BRD10: variants seen among roughly 807,000 people sequenced by gnomAD.
The protein encoded by BRD10 is bromodomain containing 10.
At chr9:5,997,836 C>G in the BRD10 span, among the ~76,000 whole-genome samples, 1 of 152,122 alleles carries the variant, frequency 6.6e-6, no homozygotes, top group Admixed American at 6.5e-5. Flanking sequence ...AGACAACATT[C>G]CTGTCTGCTC....
the BRD10 span, among the ~76,000 whole-genome samples, chr9:5,914,416 T>TTG: frequency 3.5e-4 from 38 of 107,084 alleles, no homozygotes; most frequent in Middle Eastern, 3.6e-3. Context: ...GATGGTTTTT[T>TTG]TTTTTTTTTT....
At chr9:5,914,774 G>A in the BRD10 span, among the ~76,000 whole-genome samples, 12 of 152,138 alleles carry the variant, frequency 7.9e-5, no homozygotes, top group Admixed American at 2.6e-4. Context: ...ATCATTCCAT[G>A]AGACTCCCAG....
the BRD10 span, among the ~76,000 whole-genome samples, chr9:5,936,019 C>T: frequency 6.6e-6 from 1 of 152,112 alleles, no homozygotes; most frequent in Non-Finnish European, 1.5e-5. Flanking sequence ...TTTTAAACTC[C>T]TAAGACCTGC....
At chr9:5,969,817 A>T in the BRD10 span, among the ~76,000 whole-genome samples, 32 of 152,306 alleles carry the variant, frequency 2.1e-4, no homozygotes, top group African/African-American at 7.7e-4. Flanking sequence ...AAGTGTTGAG[A>T]TTACAGGCAT....
chr9:5,894,897 A>T, the BRD10 span, among the ~76,000 whole-genome samples: 2 of 152,204 alleles, frequency 1.3e-5, no homozygotes, highest in Non-Finnish European at 2.9e-5. This position sits in a 1 kb window ranked among gnomAD's most constrained non-coding sequence, Gnocchi z 4.0. Flanking sequence ...GGCTTAATAA[A>T]GGGCAAAGGG....
chr9:5,946,394 A>C, the BRD10 span, among the ~76,000 whole-genome samples: 43 of 152,078 alleles, frequency 2.8e-4, no homozygotes, highest in Non-Finnish European at 7.4e-5. Flanking sequence ...GAAACTACAC[A>C]TTCCAATTTG....
chr9:5,917,537 TAGAAG>T, the BRD10 span, among the ~76,000 whole-genome samples: 2 of 152,162 alleles, frequency 1.3e-5, no homozygotes, highest in Non-Finnish European at 2.9e-5. Context: ...ATTTAGGAGT[TAGAAG>T]AGATTTAGTG....
the BRD10 span, among the ~76,000 whole-genome samples, chr9:5,906,179 T>A: frequency 6.9e-6 from 1 of 145,180 alleles, no homozygotes; most frequent in Middle Eastern, 3.3e-3. Flanking sequence ...AGCAAGATCA[T>A]GTCTCTTAAA....
At chr9:5,899,219 C>A in the BRD10 span, 1 of 152,278 alleles carries the variant, frequency 6.6e-6, no homozygotes, top group East Asian at 1.9e-4. Flanking sequence ...AAGTCCCATT[C>A]CTCATTCAGC....
the BRD10 span, chr9:5,953,932 T>C: frequency 2.6e-6 from 2 of 775,042 alleles, no homozygotes; most frequent in East Asian, 2.7e-5. Context: ...TACAGTTTCT[T>C]GGAATTCAGC....
the BRD10 span, among the ~76,000 whole-genome samples, chr9:5,900,121 T>C: frequency 6.6e-6 from 1 of 152,242 alleles, no homozygotes; most frequent in Admixed American, 6.5e-5. Flanking sequence ...AGTTTGATCC[T>C]ATTGAACACA....
At chr9:6,008,333 AC>A in the BRD10 span, 15 of 984,736 alleles carry the variant, frequency 1.5e-5, no homozygotes, top group Non-Finnish European at 1.8e-5. Context: ...CCCGGCGACA[AC>A]TGTCAGTTAG....
At chr9:5,880,719 C>A in the BRD10 span, among the ~76,000 whole-genome samples, 1 of 124,060 alleles carries the variant, frequency 8.1e-6, no homozygotes, top group African/African-American at 2.9e-5. Flanking sequence ...TTTTTTTTTT[C>A]CCTGAGATGA....
At chr9:5,994,717 C>T in the BRD10 span, among the ~76,000 whole-genome samples, 11 of 152,140 alleles carry the variant, frequency 7.2e-5, 1 homozygote, top group Admixed American at 5.9e-4. Flanking sequence ...TCTTAAATCT[C>T]AGCCAAAGGC....
the BRD10 span, chr9:5,924,572 G>A: frequency 4.4e-6 from 3 of 686,034 alleles, no homozygotes; most frequent in Non-Finnish European, 6.9e-6. Flanking sequence ...ATATTTCATT[G>A]ACCATATTAT....
At chr9:5,931,892 C>T in the BRD10 span, among the ~76,000 whole-genome samples, 3 of 152,054 alleles carry the variant, frequency 2.0e-5, no homozygotes, top group African/African-American at 4.8e-5. Context: ...ATTAACTGTT[C>T]TGGGATTGCT....
At chr9:5,911,374 G>A in the BRD10 span, among the ~76,000 whole-genome samples, 1 of 124,462 alleles carries the variant, frequency 8.0e-6, no homozygotes, top group Non-Finnish European at 1.7e-5. Context: ...TTGTTTCTGA[G>A]TTCTCTATTG....
chr9:5,963,752 A>T, the BRD10 span, among the ~76,000 whole-genome samples: 1 of 152,156 alleles, frequency 6.6e-6, no homozygotes, highest in Non-Finnish European at 1.5e-5. Flanking sequence ...ATAATGCCGC[A>T]TACCTACAAC....
chr9:5,940,407 C>T, the BRD10 span, among the ~76,000 whole-genome samples: 1 of 151,856 alleles, frequency 6.6e-6, no homozygotes, highest in Non-Finnish European at 1.5e-5. Flanking sequence ...GTTAGCCAGG[C>T]TGGTCTCGAA....
Sources: gnomAD v4.1 joint callset for allele counts (sites outside exome capture counted in the v4.1 genomes callset) on GRCh38, gnomAD v4.1.1 for gene constraint, Gnocchi (gnomAD v3.1) non-coding constraint, MANE v1.5 for transcripts, NCBI Gene and HGNC (gene_info 2026-07-23, HGNC 2026-07-21) for gene names.